Variants in LETM1 observed in about 807,000 individuals in gnomAD.
LETM1 encodes the protein leucine zipper and EF-hand containing transmembrane protein 1.
In LETM1, 50 loss-of-function variants were observed where a neutral mutation model predicts 74.5. That is an observed-to-expected ratio of 0.67 (90% confidence interval 0.53 to 0.85). The LOEUF (loss-of-function observed/expected upper bound fraction) is 0.85, where lower values mean the gene tolerates loss of function less well. Among genes scored for constraint, LETM1 ranks in the 40% least tolerant of loss-of-function variants. The pLI, the probability that LETM1 is intolerant of heterozygous loss-of-function variation, is 0.00. For missense variants in LETM1, 824 were observed against 967.8 expected (o/e 0.85, Z 1.97); for synonymous variants, 446 against 407.1 (o/e 1.10, Z -1.15).
chr4:1,845,933 C>T (rs961951869), intron 2 of LETM1, among the ~76,000 whole-genome samples: 3 of 152,120 alleles, frequency 2.0e-5, no homozygotes, highest in Non-Finnish European at 2.9e-5. Context: ...TCCTGGCTCA[C>T]GGCAACCTCC....
rs113257680 is a variant in LETM1, at chr4:1,850,160, G to GA, written c.83-952dup. On this transcript the variant is annotated intron_variant, in intron 1 of 13. Coordinates refer to ENST00000302787, the MANE Select transcript of LETM1 (RefSeq NM_012318.3). Reference sequence around the variant, plus strand: ...CAAGAGTGAAACTCCGTCTCAAAAAGAAAAAAAAAATCTGAAAGAGTACAG... The same window carrying GA: ...CAAGAGTGAAACTCCGTCTCAAAAAGAAAAAAAAAAATCTGAAAGAGTACAG... 2.6e-4 allele frequency among the ~76,000 whole-genome samples: 38 copies of GA among 148,150 alleles called. No individual in the cohort carries two copies. In the East Asian group the frequency reaches 6.0e-3, roughly 23 times the overall value.
At chr4:1,823,295 GC>G (rs1711856674) in intron 8 of LETM1, among the ~76,000 whole-genome samples, 164 bp from the exon 9 acceptor site, 1 of 152,180 alleles carries the variant, frequency 6.6e-6, no homozygotes, top group South Asian at 2.1e-4. Flanking sequence ...TTGCTGGGAG[GC>G]CCCTGGGCCG....
chr4:1,820,537 C>T (rs1331365447), intron 10 of LETM1, among the ~76,000 whole-genome samples: 1 of 152,244 alleles, frequency 6.6e-6, no homozygotes, highest in Non-Finnish European at 1.5e-5. Context: ...TCATCAGCGT[C>T]TCACCACTGA....
At chr4:1,841,072 C>G (rs914371398) in intron 3 of LETM1, among the ~76,000 whole-genome samples, 1 of 152,196 alleles carries the variant, frequency 6.6e-6, no homozygotes, top group Non-Finnish European at 1.5e-5. Context: ...GGGCACGGCC[C>G]AGCACGGTGG....
At chr4:1,850,891 T>C (rs1184811242) in intron 1 of LETM1, among the ~76,000 whole-genome samples, 3 of 135,400 alleles carry the variant, frequency 2.2e-5, no homozygotes, top group African/African-American at 5.8e-5. Context: ...ACCTGAACCC[T>C]CCGGGAGGCA....
In LETM1 at chr4:1,816,803, T is replaced by C. The variant is rs771157898; in HGVS notation, c.1855A>G (p.Ile619Val). 6.2e-7 allele frequency: 1 copy of C among 1,614,268 alleles called. No individual in the cohort carries two copies. The highest frequency in any genetic ancestry group is 1.1e-5 in the South Asian group (1 of 91,092). Residue 619 changes from isoleucine (I) to valine (V), a missense_variant, in exon 12 of 14, where the codon ATC becomes GTC. By Grantham distance (29) the Ile-to-Val change is conservative. Transcript: ENST00000302787. ...TKRVQQMIGQ[I>V]DGLISQLEMD... ...TCCAGCTGCGAGATCAAGCCATCGA[T>C]CTGCCCGATCATTTGCTGCACCCTT...
chr4:1,846,410 GA>G (rs1261956980), intron 2 of LETM1: 1 of 151,856 alleles, frequency 6.6e-6, no homozygotes, highest in Non-Finnish European at 1.5e-5. Context: ...GGGATTACAA[GA>G]ACATACCACC....
rs185383658 is a variant in LETM1, at chr4:1,851,935, C to G, written c.83-2726G>C. ...GTTCTGACGGCTTCTGTCCCCAGCT[C>G]TCCAAGGAACCCCCAGTCAAGGCCG... On this transcript the variant is annotated intron_variant, in intron 1 of 13. Coordinates refer to ENST00000302787, the MANE Select transcript of LETM1 (RefSeq NM_012318.3). 1.8e-4 allele frequency among the ~76,000 whole-genome samples: 28 copies of G among 152,238 alleles called. 1 individual carries two copies. Among genetic ancestry groups the G allele is most frequent in the Non-Finnish European group, 8.8e-5 (6 of 68,046 alleles).
chr4:1,828,770 G>A (rs1349759676), intron 6 of LETM1, among the ~76,000 whole-genome samples: 11 of 131,626 alleles, frequency 8.4e-5, no homozygotes, highest in East Asian at 2.4e-4. Flanking sequence ...GGGCAGAGGC[G>A]CCCCCCACCC....
At chr4:1,846,215 G>A (rs1464949689) in intron 2 of LETM1, among the ~76,000 whole-genome samples, 1 of 151,990 alleles carries the variant, frequency 6.6e-6, no homozygotes. Context: ...AGTCCTCATT[G>A]TTTAAATTTT....
At chr4:1,825,727 T>TG in intron 6 of LETM1, 44 bp from the exon 7 acceptor site, 1 of 1,566,368 alleles carries the variant, frequency 6.4e-7, no homozygotes, top group Non-Finnish European at 8.7e-7. Flanking sequence ...CAGTTGCTGG[T>TG]GGGTGACAGT....
intron 2 of LETM1, among the ~76,000 whole-genome samples, chr4:1,844,157 G>A (rs1032024271): frequency 6.6e-6 from 1 of 152,208 alleles, no homozygotes. Flanking sequence ...TGAAGGCAGG[G>A]AGCCATCCAG....
At chr4:1,848,913 C>T (rs1377975820) in intron 2 of LETM1, among the ~76,000 whole-genome samples, 1 of 151,976 alleles carries the variant, frequency 6.6e-6, no homozygotes, top group Non-Finnish European at 1.5e-5. Flanking sequence ...CTTCTGTCCC[C>T]AGCTCTCCAA....
intron 2 of LETM1, among the ~76,000 whole-genome samples, chr4:1,844,088 C>T (rs1013503655): frequency 2.0e-5 from 3 of 152,198 alleles, no homozygotes; most frequent in African/African-American, 7.2e-5. Context: ...GGGGTGTCGA[C>T]AGGCAAAGAC....
At chr4:1,829,869 GAC>G (rs150026345) in intron 6 of LETM1, among the ~76,000 whole-genome samples, 32 of 150,522 alleles carry the variant, frequency 2.1e-4, no homozygotes, top group African/African-American at 6.8e-4. Context: ...ATGAAACAAC[GAC>G]ACACACACAC....
rs552919478 is a variant in LETM1, at chr4:1,823,001, C to A, written c.1463G>T (p.Arg488Leu). 1.9e-6 allele frequency: 3 copies of A among 1,590,958 alleles called. No individual in the cohort carries two copies. Among genetic ancestry groups the A allele is most frequent in the Non-Finnish European group, 2.6e-6 (3 of 1,166,362 alleles). ...QEHREKELQK[R>L]SEVAKDFEPE... ...ACCACCGCTTACCGCCACCTCCGAG[C>A]GCTTCTGCAGCTCCTTCTCACGGTG... The change falls in exon 9 of 14, where the codon CGC becomes CTC. Residue 488 changes from arginine to leucine, a missense_variant. Physicochemically the swap from Arg to Leu is moderately radical, Grantham distance 102. Around this residue, in one of 4 missense-constraint regions of LETM1, gnomAD observed 172 missense variants for 170.7 expected, o/e 1.01. Transcript: ENST00000302787.
chr4:1,814,703 C>A (rs960180446), intron 13 of LETM1, 130 bp from the exon 14 acceptor site: 33 of 723,012 alleles, frequency 4.6e-5, no homozygotes, highest in Non-Finnish European at 6.6e-5. Flanking sequence ...TGCCTGCGGG[C>A]CCCAGGGTCC....
chr4:1,840,709 T>A (rs368507812), intron 3 of LETM1, among the ~76,000 whole-genome samples: 8 of 143,220 alleles, frequency 5.6e-5, no homozygotes, highest in East Asian at 4.3e-4. Flanking sequence ...ATAATAATAA[T>A]AAAAAAAAAA....
At chr4:1,827,744 G>C (rs1332978673) in intron 6 of LETM1, among the ~76,000 whole-genome samples, 1 of 145,824 alleles carries the variant, frequency 6.9e-6, no homozygotes, top group African/African-American at 2.6e-5. Flanking sequence ...CACCTTTCCC[G>C]CCTTTCTATT....
Sources: allele counts gnomAD v4.1 joint callset (sites outside exome capture counted in the v4.1 genomes callset), GRCh38; gene constraint gnomAD v4.1.1; regional missense constraint gnomAD v4.1.1; transcripts MANE v1.5; gene names NCBI Gene and HGNC (gene_info 2026-07-23, HGNC 2026-07-21).